The following MIS18BP1 variants were observed in gnomAD, a reference collection of about 807,000 sequenced individuals.
MIS18BP1 encodes mis18-binding protein 1.
In MIS18BP1, 72 loss-of-function variants were observed where a neutral mutation model predicts 116.1. That is an observed-to-expected ratio of 0.62 (90% CI 0.51 to 0.75). MIS18BP1 has a LOEUF of 0.75. Ranked by LOEUF, MIS18BP1 falls within the 30% of genes least tolerant of loss-of-function variation. The pLI, the probability that MIS18BP1 is intolerant of heterozygous loss-of-function variation, is 0.00. For missense variants in MIS18BP1, 1,363 were observed against 1,303.2 expected, an observed-to-expected ratio of 1.05 and a Z score of -0.71; for synonymous variants, 386 against 427.0, an observed-to-expected ratio of 0.90 and a Z score of 1.18.
At chr14:45,221,674 G>A (rs148053386) in intron 11 of MIS18BP1, among the ~76,000 whole-genome samples, 3 of 152,174 alleles carry the variant, frequency 2.0e-5, no homozygotes, top group African/African-American at 7.2e-5. Context: ...GATCTATCTT[G>A]ATGAATGATC....
chr14:45,221,120 G>A (rs1890959453), intron 11 of MIS18BP1, among the ~76,000 whole-genome samples: 1 of 151,516 alleles, frequency 6.6e-6, no homozygotes, highest in Admixed American at 6.6e-5. Flanking sequence ...GGGTGACAGA[G>A]TGAGACTCTG....
intron 14 of MIS18BP1, 101 bp downstream of exon 14, chr14:45,210,279 G>T: frequency 8.4e-7 from 1 of 1,186,156 alleles, no homozygotes; most frequent in Non-Finnish European, 1.2e-6. Flanking sequence ...TTTAAATAAT[G>T]CCTCTTCCCA....
At chr14:45,223,772 A>T in intron 11 of MIS18BP1, 146 bp downstream of exon 11, 1 of 590,416 alleles carries the variant, frequency 1.7e-6, no homozygotes, top group Non-Finnish European at 2.8e-6. Flanking sequence ...AGTTATGTGT[A>T]GTCTATCTCC....
chr14:45,216,364 T>A (rs918901567), intron 13 of MIS18BP1, among the ~76,000 whole-genome samples: 1 of 152,230 alleles, frequency 6.6e-6, no homozygotes, highest in Non-Finnish European at 1.5e-5. Context: ...CTTATTTTTT[T>A]AAAAGATTCT....
chr14:45,242,905 G>T, intron 2 of MIS18BP1, 31 bp from the exon 3 acceptor site: 1 of 1,441,322 alleles, frequency 6.9e-7, no homozygotes, highest in South Asian at 1.2e-5. Flanking sequence ...GAAAGAAGAA[G>T]TTGAATTGTA....
chr14:45,217,418 T>C (rs1167357516), intron 12 of MIS18BP1, among the ~76,000 whole-genome samples: 7 of 151,874 alleles, frequency 4.6e-5, no homozygotes, highest in Non-Finnish European at 2.9e-5. Context: ...TGAGACCCCA[T>C]CTCTAAAAAA....
At chr14:45,222,855 C>G (rs1350442571) in intron 11 of MIS18BP1, among the ~76,000 whole-genome samples, 1 of 152,126 alleles carries the variant, frequency 6.6e-6, no homozygotes, top group Non-Finnish European at 1.5e-5. Context: ...TGCTGTATGC[C>G]TCACACAACT....
chr14:45,204,996 A>G (rs890439548), intron 15 of MIS18BP1, among the ~76,000 whole-genome samples: 1 of 152,140 alleles, frequency 6.6e-6, no homozygotes, highest in Non-Finnish European at 1.5e-5. Flanking sequence ...CTAAAATGGT[A>G]AAGTAAATGG....
At chr14:45,223,556 G>A (rs1891032849) in intron 11 of MIS18BP1, among the ~76,000 whole-genome samples, 1 of 152,200 alleles carries the variant, frequency 6.6e-6, no homozygotes, top group Non-Finnish European at 1.5e-5. Context: ...AGACGGGGCA[G>A]CAGGGCGAGA....
At position 45,224,670 on chromosome 14, in the gene MIS18BP1, T is replaced by C; in HGVS notation, c.1917A>G (p.Lys639=). 6.2e-7 allele frequency: 1 copy of C among 1,612,196 alleles called. No homozygotes were observed. The highest frequency in any genetic ancestry group is 1.1e-5 in the South Asian group (1 of 90,412). The change falls in exon 11 of 17, where the codon AAA becomes AAG. Residue 639 remains lysine (K), a synonymous_variant. Transcript: ENST00000310806. ...REQFFSDEER[K]YMAINQKKAY... ...CTTTCTTCTGATTGATGGCCATGTATTTTCTTTCTTCATCTGAGAAAAACT... is the reference window on the plus strand; with the variant it reads ...CTTTCTTCTGATTGATGGCCATGTACTTTCTTTCTTCATCTGAGAAAAACT...
chr14:45,251,085 G>C (rs549905050), intron 1 of MIS18BP1, among the ~76,000 whole-genome samples: 12 of 148,900 alleles, frequency 8.1e-5, no homozygotes, highest in African/African-American at 2.7e-4. Context: ...TTATAGTACA[G>C]TCATGCACTG....
chr14:45,211,583 C>T (rs1890673851), intron 13 of MIS18BP1, among the ~76,000 whole-genome samples: 1 of 152,206 alleles, frequency 6.6e-6, no homozygotes, highest in Non-Finnish European at 1.5e-5. Flanking sequence ...GATAATAAAA[C>T]TCTATCACAC....
chr14:45,205,796 G>A (rs1035247637), intron 15 of MIS18BP1, among the ~76,000 whole-genome samples: 9 of 151,952 alleles, frequency 5.9e-5, no homozygotes, highest in Non-Finnish European at 1.2e-4. Context: ...TTTGTGTTTT[G>A]CCTGAAATAT....
At chr14:45,207,657 C>G (rs1461452103) in intron 14 of MIS18BP1, among the ~76,000 whole-genome samples, 2 of 152,120 alleles carry the variant, frequency 1.3e-5, no homozygotes, top group Non-Finnish European at 2.9e-5. Context: ...AAACAAAAAA[C>G]AAATGAACAG....
intron 2 of MIS18BP1, 134 bp downstream of exon 2, chr14:45,246,609 T>C (rs139280151): frequency 0.011 from 6,742 of 625,392 alleles, 57 homozygotes; most frequent in Non-Finnish European, 0.014. Flanking sequence ...CTTCCCACCA[T>C]GTGAATATGA....
chr14:45,249,092 ATTTG>A (rs1555373608), intron 1 of MIS18BP1, among the ~76,000 whole-genome samples: 3 of 147,290 alleles, frequency 2.0e-5, no homozygotes, highest in East Asian at 2.0e-4. Flanking sequence ...TTTTTTACTT[ATTTG>A]TTTGTTTGTT....
Position 45,224,712 on chromosome 14 carries a change from A to G in MIS18BP1, c.1875T>C (p.Ile625=). Residue 625 remains isoleucine, a synonymous_variant, in exon 11 of 17, where the codon ATT becomes ATC. Coordinates refer to ENST00000310806, the MANE Select transcript of MIS18BP1 (RefSeq NM_018353.5). Reference sequence around the variant, plus strand: ...AGAAAAACTGTTCCCTTGAGGTTAGAATATCAATGGATACATCCAATTCTT... The same window carrying G: ...AGAAAAACTGTTCCCTTGAGGTTAGGATATCAATGGATACATCCAATTCTT... ...TTEELDVSID[I]LTSREQFFSD... The G allele has an allele frequency of 6.2e-7, 1 of 1,600,302 alleles. No homozygotes were observed. Among genetic ancestry groups the G allele is most frequent in the Non-Finnish European group, 8.5e-7 (1 of 1,175,908 alleles).
At chr14:45,239,185 A>G (rs1027304569) in intron 4 of MIS18BP1, among the ~76,000 whole-genome samples, 2 of 152,172 alleles carry the variant, frequency 1.3e-5, no homozygotes, top group African/African-American at 2.4e-5. Flanking sequence ...TGTTTTAGAT[A>G]GTGGAGATTG....
Position 45,227,827 on chromosome 14 carries a change from A to C in MIS18BP1, c.1595-13T>G. 1 of 1,608,124 alleles carries C rather than the reference A, an allele frequency of 6.2e-7. No individual in the cohort carries two copies. Among genetic ancestry groups the C allele is most frequent in the Non-Finnish European group, 8.5e-7 (1 of 1,177,492 alleles). Reference sequence around the variant, plus strand: ...TTACTCTTCAGTTCTATGAATACAAAGATGGAGATTTCAATAAATGGTTAT... The same window carrying C: ...TTACTCTTCAGTTCTATGAATACAACGATGGAGATTTCAATAAATGGTTAT... On this transcript the variant is annotated splice_polypyrimidine_tract_variant and intron_variant, in intron 8 of 16. Transcript: ENST00000310806.
Sources: allele counts gnomAD v4.1 joint callset (sites outside exome capture counted in the v4.1 genomes callset), GRCh38; gene constraint gnomAD v4.1.1; transcripts MANE v1.5; gene names NCBI Gene and HGNC (gene_info 2026-07-23, HGNC 2026-07-21).